The following CSMD1 variants were observed in gnomAD, a reference collection of about 807,000 sequenced individuals.
CSMD1 encodes the protein CUB and Sushi multiple domains 1.
Under a neutral mutation model 417.5 loss-of-function variants are expected in CSMD1, and 213 were observed. The observed-to-expected ratio is 0.51, with a 90% CI of 0.46 to 0.57. The LOEUF (loss-of-function observed/expected upper bound fraction) is 0.57. Among genes scored for constraint, CSMD1 ranks in the 20% least tolerant of loss-of-function variants. The pLI is 0.00. For synonymous variants in CSMD1, 2,862 were observed against 1,736.8 expected (o/e 1.65, Z -16.11); for missense variants, 6,923 against 4,529.7 (o/e 1.53, Z -15.17).
chr8:3,694,553 T>C (rs1460098486), intron 7 of CSMD1, among the ~76,000 whole-genome samples: 2 of 151,400 alleles, frequency 1.3e-5, no homozygotes, highest in Non-Finnish European at 1.5e-5. Context: ...CAGGTTCAGG[T>C]TCAGTGGAAG....
intron 5 of CSMD1, among the ~76,000 whole-genome samples, chr8:3,807,777 A>G (rs1800829582): frequency 6.6e-6 from 1 of 152,108 alleles, no homozygotes. Flanking sequence ...TCTCTCTGAG[A>G]TATCTAGATT....
intron 1 of CSMD1, among the ~76,000 whole-genome samples, chr8:4,777,944 G>C (rs191028662): frequency 6.6e-6 from 1 of 152,308 alleles, no homozygotes; most frequent in Non-Finnish European, 1.5e-5. Context: ...GGTTGTAGTA[G>C]GGATGTGTGA....
At chr8:3,518,311 C>G (rs925699964) in intron 10 of CSMD1, among the ~76,000 whole-genome samples, 3 of 152,138 alleles carry the variant, frequency 2.0e-5, no homozygotes, top group African/African-American at 7.2e-5. Context: ...CAAAAGCTGA[C>G]GCAAATTCCT....
chr8:3,454,738 C>G (rs1053234009), intron 12 of CSMD1, among the ~76,000 whole-genome samples: 3 of 152,222 alleles, frequency 2.0e-5, no homozygotes, highest in Non-Finnish European at 2.9e-5. Flanking sequence ...CTCTGCCTGC[C>G]CTTTAAATTT....
chr8:3,928,309 T>C (rs571774019), intron 5 of CSMD1, among the ~76,000 whole-genome samples: 18 of 152,356 alleles, frequency 1.2e-4, no homozygotes, highest in African/African-American at 4.1e-4. Context: ...TTCTTGAATG[T>C]ATTTTTCTTT....
chr8:4,988,485 A>G (rs920450650), intron 1 of CSMD1, among the ~76,000 whole-genome samples: 3 of 152,194 alleles, frequency 2.0e-5, no homozygotes, highest in Admixed American at 6.5e-5. Flanking sequence ...TTCATTCCCC[A>G]AAGAAATTTT....
intron 5 of CSMD1, among the ~76,000 whole-genome samples, chr8:3,819,557 C>CAG: frequency 1.2e-5 from 1 of 85,828 alleles, no homozygotes; most frequent in African/African-American, 5.0e-5. Context: ...CACACACACA[C>CAG]ACACGTATGT....
chr8:3,875,897 C>T (rs1447686089), intron 5 of CSMD1, among the ~76,000 whole-genome samples: 1 of 152,116 alleles, frequency 6.6e-6, no homozygotes, highest in Non-Finnish European at 1.5e-5. Flanking sequence ...AAATCACAAG[C>T]AAATTTCCAT....
intron 38 of CSMD1, among the ~76,000 whole-genome samples, chr8:3,158,684 T>G (rs1301113842): frequency 1.3e-5 from 2 of 152,082 alleles, no homozygotes; most frequent in African/African-American, 4.8e-5. Flanking sequence ...AGATGTTTTG[T>G]GCTAACATCT....
chr8:4,693,225 C>T (rs114629022), intron 1 of CSMD1, among the ~76,000 whole-genome samples: 125 of 152,268 alleles, frequency 8.2e-4, no homozygotes, highest in African/African-American at 2.7e-3. Context: ...CCTTGGGTGA[C>T]GGCCATGAGC....
intron 2 of CSMD1, among the ~76,000 whole-genome samples, chr8:4,587,038 G>T (rs1302311494): frequency 6.6e-6 from 1 of 152,148 alleles, no homozygotes; most frequent in Non-Finnish European, 1.5e-5. Context: ...AATTTTGAAT[G>T]AATGCTTTCA....
intron 4 of CSMD1, among the ~76,000 whole-genome samples, chr8:4,023,753 A>ATTTTTTTTTTTT (rs760333220): frequency 4.0e-5 from 2 of 50,100 alleles, no homozygotes; most frequent in Non-Finnish European, 6.9e-5. Context: ...CGCTCGGCTA[A>ATTTTTTTTTTTT]TTTTTTTTTT....
intron 3 of CSMD1, among the ~76,000 whole-genome samples, chr8:4,110,615 TAATA>T (rs1801800449): frequency 3.7e-5 from 5 of 134,326 alleles, no homozygotes; most frequent in South Asian, 2.7e-4. Context: ...ACTTTCTCCC[TAATA>T]TATACCTGAT....
chr8:4,616,915 A>G (rs1725656353), intron 2 of CSMD1, among the ~76,000 whole-genome samples: 1 of 152,172 alleles, frequency 6.6e-6, no homozygotes, highest in South Asian at 2.1e-4. Flanking sequence ...TAATAATATA[A>G]CAGACCTACT....
intron 9 of CSMD1, among the ~76,000 whole-genome samples, chr8:3,580,135 A>G (rs549192368): frequency 6.6e-6 from 1 of 152,220 alleles, no homozygotes; most frequent in South Asian, 2.1e-4. Context: ...GAAAGAAAAA[A>G]AGTATACATG....
intron 2 of CSMD1, among the ~76,000 whole-genome samples, chr8:4,630,543 G>C (rs1329548727): frequency 6.6e-6 from 1 of 152,158 alleles, no homozygotes. Context: ...TTACCTAGGG[G>C]TCACTAATTT....
At chr8:4,237,682 A>G (rs941215054) in intron 3 of CSMD1, among the ~76,000 whole-genome samples, 1 of 152,050 alleles carries the variant, frequency 6.6e-6, no homozygotes, top group East Asian at 1.9e-4. Flanking sequence ...TGCCCAGCTA[A>G]TTTTACTTTT....
chr8:4,389,075 T>C (rs1053383645), intron 3 of CSMD1, among the ~76,000 whole-genome samples: 3 of 152,232 alleles, frequency 2.0e-5, no homozygotes, highest in Admixed American at 2.0e-4. Flanking sequence ...TTTCTCTTAC[T>C]CTACATTATA....
chr8:4,278,172 A>G (rs1332561524), intron 3 of CSMD1, among the ~76,000 whole-genome samples: 1 of 152,210 alleles, frequency 6.6e-6, no homozygotes, highest in Non-Finnish European at 1.5e-5. Context: ...ATTTCAGACT[A>G]CATTCACAAT....
Sources: allele counts gnomAD v4.1 joint callset (sites outside exome capture counted in the v4.1 genomes callset), GRCh38; gene constraint gnomAD v4.1.1; transcripts MANE v1.5; gene names NCBI Gene and HGNC (gene_info 2026-07-23, HGNC 2026-07-21).